GPHN: variants seen among roughly 807,000 people sequenced by gnomAD.
GPHN encodes gephyrin.
GPHN carries 17 observed loss-of-function variants against 95.5 expected under a neutral mutation model. That is an observed-to-expected ratio of 0.18 (90% CI 0.12 to 0.27). The LOEUF (loss-of-function observed/expected upper bound fraction) is 0.27. Ranked by LOEUF, GPHN falls within the 10% of genes least tolerant of loss-of-function variation. GPHN has a pLI of 1.00. For synonymous variants in GPHN, 320 were observed against 322.5 expected, an observed-to-expected ratio of 0.99 and a Z score of 0.08; for missense variants, 660 against 978.1, an observed-to-expected ratio of 0.67 and a Z score of 4.34.
the GPHN span, among the ~76,000 whole-genome samples, chr14:67,194,810 A>G: frequency 6.6e-6 from 1 of 152,172 alleles, no homozygotes; most frequent in Non-Finnish European, 1.5e-5. Context: ...GGCACCTGTC[A>G]CCATGCCAGG....
intron 4 of GPHN, among the ~76,000 whole-genome samples, chr14:66,826,343 G>T (rs2061384069): frequency 6.6e-6 from 1 of 151,996 alleles, no homozygotes; most frequent in Admixed American, 6.6e-5. Flanking sequence ...GCTAAATGTG[G>T]GTTTTTTTAC....
intron 3 of GPHN, among the ~76,000 whole-genome samples, chr14:66,807,861 C>T (rs563861204): frequency 3.9e-4 from 60 of 152,274 alleles, no homozygotes; most frequent in African/African-American, 1.1e-3. Flanking sequence ...TTTTAGTGCA[C>T]ATATGTATGC....
intron 1 of GPHN, among the ~76,000 whole-genome samples, chr14:66,571,618 C>T (rs1009809733): frequency 6.6e-6 from 1 of 152,046 alleles, no homozygotes; most frequent in Non-Finnish European, 1.5e-5. Flanking sequence ...TGAGACCAGC[C>T]TGGCCAACAT....
chr14:67,581,894 A>G, the GPHN span: 1 of 612,776 alleles, frequency 1.6e-6, no homozygotes, highest in Non-Finnish European at 2.8e-6. Context: ...ATGACCCTGC[A>G]TCTGCTCTGT....
chr14:66,671,529 A>G (rs1595487241), intron 1 of GPHN, among the ~76,000 whole-genome samples: 2 of 152,220 alleles, frequency 1.3e-5, no homozygotes, highest in South Asian at 2.1e-4. Context: ...TTAAATGACT[A>G]TCGTAATATA....
the GPHN span, chr14:67,301,473 A>G: frequency 1.9e-6 from 3 of 1,595,752 alleles, no homozygotes; most frequent in African/African-American, 1.3e-5. Context: ...TCAGGTAGAA[A>G]ATGGACAGAA....
At chr14:67,087,767 C>G (rs750812435) in intron 11 of GPHN, among the ~76,000 whole-genome samples, 1 of 152,184 alleles carries the variant, frequency 6.6e-6, no homozygotes, top group Non-Finnish European at 1.5e-5. Flanking sequence ...CACAGACTCA[C>G]TTATCCAGCT....
the GPHN span, among the ~76,000 whole-genome samples, chr14:67,514,310 GA>G: frequency 6.6e-6 from 1 of 152,152 alleles, no homozygotes; most frequent in Non-Finnish European, 1.5e-5. Context: ...ACTGAGCATA[GA>G]AAGAGGGAAA....
At chr14:67,570,299 G>T in the GPHN span, 4 of 977,448 alleles carry the variant, frequency 4.1e-6, no homozygotes, top group Non-Finnish European at 1.2e-6. Context: ...TCACTCCTCA[G>T]GTCCCAGAGG....
chr14:67,663,019 T>C, the GPHN span: 1 of 1,405,338 alleles, frequency 7.1e-7, no homozygotes, highest in South Asian at 1.7e-5. Context: ...AAAATAAAAA[T>C]TCCACCTACT....
chr14:66,816,024 A>T (rs2060951097), intron 3 of GPHN, among the ~76,000 whole-genome samples: 1 of 152,204 alleles, frequency 6.6e-6, no homozygotes, highest in South Asian at 2.1e-4. Context: ...TTTCCGACAA[A>T]ACAGACTTTA....
At chr14:67,441,894 A>G in the GPHN span, 1 of 153,650 alleles carries the variant, frequency 6.5e-6, no homozygotes, top group African/African-American at 2.4e-5. Context: ...CTTCAGATAC[A>G]TATGGGGCTG....
chr14:67,210,697 C>G, the GPHN span, among the ~76,000 whole-genome samples: 1 of 151,562 alleles, frequency 6.6e-6, no homozygotes, highest in East Asian at 1.9e-4. Flanking sequence ...CATTGGGAGA[C>G]AGTTTAACAC....
chr14:67,263,862 C>T, the GPHN span, among the ~76,000 whole-genome samples: 1 of 152,306 alleles, frequency 6.6e-6, no homozygotes, highest in African/African-American at 2.4e-5. Context: ...TTGTTCTGCT[C>T]TTGTCCTCTG....
At chr14:66,831,479 G>C (rs1216883356) in intron 4 of GPHN, among the ~76,000 whole-genome samples, 1 of 152,080 alleles carries the variant, frequency 6.6e-6, no homozygotes, top group African/African-American at 2.4e-5. Flanking sequence ...GGTTATATTT[G>C]ATGGCATTTT....
Position 67,028,939 on chromosome 14 carries a change from A to G in GPHN, c.1006+5264A>G, listed in dbSNP as rs535894799. 9.9e-5 allele frequency among the ~76,000 whole-genome samples: 15 copies of G among 152,278 alleles called. No individual in the cohort carries two copies. The South Asian group carries it at 1.7e-3, about 17-fold the overall frequency. On this transcript the variant is annotated intron_variant, in intron 10 of 22. Transcript: ENST00000478722. ...AGTCTTAGCCAAAAAATATTTGCCT[A>G]TACCAGTGTCCTAAAGTGTTTCTTC...
At chr14:67,039,650 T>A (rs2074597820) in intron 10 of GPHN, among the ~76,000 whole-genome samples, 1 of 152,050 alleles carries the variant, frequency 6.6e-6, no homozygotes, top group Non-Finnish European at 1.5e-5. Context: ...AAAAATTAGT[T>A]GGATGTGGTG....
intron 8 of GPHN, among the ~76,000 whole-genome samples, chr14:66,959,583 A>G (rs1364719151): frequency 1.3e-5 from 2 of 152,136 alleles, no homozygotes; most frequent in East Asian, 1.9e-4. Context: ...CATTTTGACC[A>G]TATCATTCCA....
chr14:67,726,105 A>G, the GPHN span: 1 of 1,614,156 alleles, frequency 6.2e-7, no homozygotes, highest in Non-Finnish European at 8.5e-7. Context: ...ATGTGTCCAT[A>G]TTCCAAGACA....
Sources: gnomAD v4.1 joint callset for allele counts (sites outside exome capture counted in the v4.1 genomes callset) on GRCh38, gnomAD v4.1.1 for gene constraint, MANE v1.5 for transcripts, NCBI Gene and HGNC (gene_info 2026-07-23, HGNC 2026-07-21) for gene names.